PRKCB: variants seen among roughly 807,000 people sequenced by gnomAD.
PRKCB encodes protein kinase C beta type.
Under a neutral mutation model 81.5 loss-of-function variants are expected in PRKCB, and 13 were observed. The ratio of observed to expected loss-of-function variants is 0.16; its 90% CI spans 0.10 to 0.25. PRKCB has a LOEUF of 0.25. Ranked by LOEUF, PRKCB falls within the 10% of genes least tolerant of loss-of-function variation. The pLI, the probability that PRKCB is intolerant of heterozygous loss-of-function variation, is 1.00. For missense variants in PRKCB, 509 were observed against 875.7 expected (o/e 0.58, Z 5.29); for synonymous variants, 335 against 321.4 (o/e 1.04, Z -0.45).
At chr16:23,905,815 G>T (rs1963550838) in intron 2 of PRKCB, among the ~76,000 whole-genome samples, 1 of 152,082 alleles carries the variant, frequency 6.6e-6, no homozygotes, top group Non-Finnish European at 1.5e-5. Flanking sequence ...TCACATAAGT[G>T]GAAATATATT....
Position 24,189,241 on chromosome 16 carries a change from C to A in PRKCB, c.1723-1849C>A, listed in dbSNP as rs556035320. ...CTTCCTCTCTGGAGTCCTTACTGTT[C>A]CTCAACTTCTCTGAGTGTTCATTGC... On this transcript the variant is annotated intron_variant, in intron 15 of 16. Transcript: ENST00000643927. Among the ~76,000 whole-genome samples the A allele has an allele frequency of 9.8e-5, 15 of 152,322 alleles. No homozygotes were observed. The East Asian group carries it at 1.9e-3, about 20-fold the overall frequency.
At chr16:23,856,528 C>CTTT (rs11398957) in intron 2 of PRKCB, among the ~76,000 whole-genome samples, 31 of 145,256 alleles carry the variant, frequency 2.1e-4, no homozygotes, top group African/African-American at 7.4e-4. Context: ...TTTCACGAAA[C>CTTT]TTTTTTTTTT....
chr16:24,138,886 T>G (rs1234030915), intron 9 of PRKCB, among the ~76,000 whole-genome samples: 4 of 142,046 alleles, frequency 2.8e-5, no homozygotes, highest in Non-Finnish European at 6.0e-5. Context: ...ACAGTCTTGC[T>G]CTGTCTCCCA....
chr16:24,139,217 T>A (rs1966878627), intron 9 of PRKCB, among the ~76,000 whole-genome samples: 1 of 152,184 alleles, frequency 6.6e-6, no homozygotes, highest in South Asian at 2.1e-4. Context: ...TCCAAGTTCA[T>A]GAACATTTAT....
intron 7 of PRKCB, among the ~76,000 whole-genome samples, chr16:24,103,899 G>A (rs117187864): frequency 0.06 from 9,108 of 152,212 alleles, 448 homozygotes; most frequent in Admixed American, 0.14. Context: ...TCCGCCTTCC[G>A]GGTTCAAGCT....
In PRKCB at chr16:24,179,829, G is replaced by A. The variant is rs190631977; in HGVS notation, c.1395-961G>A. 7.2e-5 allele frequency among the ~76,000 whole-genome samples: 11 copies of A among 152,236 alleles called. No homozygotes were observed. The East Asian group carries it at 1.7e-3, about 24-fold the overall frequency. ...TAATAATCATGCTTACAGAGTAATT[G>A]TTATCTTTTTCCCAGCACTGAAATT... On this transcript the variant is annotated intron_variant, in intron 12 of 16. Coordinates refer to ENST00000643927, the MANE Select transcript of PRKCB (RefSeq NM_002738.7).
intron 2 of PRKCB, among the ~76,000 whole-genome samples, chr16:23,913,973 C>T (rs1202624004): frequency 6.6e-6 from 1 of 152,104 alleles, no homozygotes; most frequent in African/African-American, 2.4e-5. Flanking sequence ...TGGGAATGCT[C>T]CCCAGTATGT....
At position 24,180,837 on chromosome 16, in the gene PRKCB, A is replaced by C; in HGVS notation, c.1442A>C (p.Lys481Thr). Residue 481 changes from lysine (K) to threonine (T), a missense_variant, in exon 13 of 17, where the codon AAG (lysine) becomes ACG (threonine). Coordinates refer to ENST00000643927, the MANE Select transcript of PRKCB (RefSeq NM_002738.7). ...ATGCTCGATTCTGAGGGACACATCA[A>C]GATTGCCGATTTTGGCATGTGTAAG... ...NVMLDSEGHI[K>T]IADFGMCKEN... The C allele has an allele frequency of 6.2e-7, 1 of 1,614,250 alleles. No individual in the cohort carries two copies. The highest frequency in any genetic ancestry group is 8.5e-7 in the Non-Finnish European group (1 of 1,180,028).
rs116680069 is a variant in PRKCB at position 24,050,992 on chromosome 16, G to A, written c.529+15445G>A. Among the ~76,000 whole-genome samples, 1,247 of 152,134 alleles carry A rather than the reference G, an allele frequency of 8.2e-3. 21 individuals carry two copies. Among genetic ancestry groups the A allele is most frequent in the African/African-American group, 0.028 (1,169 of 41,470 alleles). ...AACCTGATGCATTTCATCTTGTAGGGTTTGGCCTTTTGCTCCACGGCCAGG... is the reference window on the plus strand; with the variant it reads ...AACCTGATGCATTTCATCTTGTAGGATTTGGCCTTTTGCTCCACGGCCAGG... On this transcript the variant is annotated intron_variant, in intron 5 of 16. Coordinates refer to ENST00000643927, the MANE Select transcript of PRKCB (RefSeq NM_002738.7).
At chr16:23,927,127 G>A (rs959549789) in intron 2 of PRKCB, among the ~76,000 whole-genome samples, 1 of 152,080 alleles carries the variant, frequency 6.6e-6, no homozygotes, top group Non-Finnish European at 1.5e-5. Flanking sequence ...GGCTGTAAGC[G>A]CATGGTGTGA....
At chr16:23,980,332 T>C (rs1427761734) in intron 2 of PRKCB, among the ~76,000 whole-genome samples, 2 of 152,250 alleles carry the variant, frequency 1.3e-5, no homozygotes, top group Non-Finnish European at 2.9e-5. Flanking sequence ...TAGAGTTTAA[T>C]GCGGATAAGT....
intron 12 of PRKCB, among the ~76,000 whole-genome samples, chr16:24,178,903 A>G (rs1967576277): frequency 6.6e-6 from 1 of 152,256 alleles, no homozygotes; most frequent in Non-Finnish European, 1.5e-5. Flanking sequence ...TATTGGTGAC[A>G]TAACTGAAAA....
chr16:24,143,541 G>A (rs898952244), intron 9 of PRKCB, among the ~76,000 whole-genome samples: 1 of 152,096 alleles, frequency 6.6e-6, no homozygotes, highest in African/African-American at 2.4e-5. Context: ...GATGGGAGAG[G>A]GAGCTAGGGA....
rs1203332324 is a variant in PRKCB at position 24,215,881 on chromosome 16, G to C, written c.*1065G>C. On this transcript the variant is annotated 3_prime_UTR_variant, in exon 17 of 17. Transcript: ENST00000643927. Reference sequence around the variant, plus strand: ...GACACCGTTTCTTGAAACAAAGATGGTTGTATTCCTCACTTTGATGTTGTT... The same window carrying C: ...GACACCGTTTCTTGAAACAAAGATGCTTGTATTCCTCACTTTGATGTTGTT... The C allele has an allele frequency of 1.0e-6, 1 of 984,904 alleles. No individual in the cohort carries two copies. The highest frequency in any genetic ancestry group is 1.2e-6 in the Non-Finnish European group (1 of 829,860). 61.0% of individuals were successfully genotyped at this position (984,904 alleles called of 1,614,324 possible).
At chr16:23,949,488 G>A (rs1008957883) in intron 2 of PRKCB, among the ~76,000 whole-genome samples, 1 of 152,112 alleles carries the variant, frequency 6.6e-6, no homozygotes, top group Admixed American at 6.5e-5. Context: ...ACTTTCCTGG[G>A]GGTCCAACTT....
intron 2 of PRKCB, among the ~76,000 whole-genome samples, chr16:23,908,387 T>G (rs1411141655): frequency 6.6e-6 from 1 of 152,102 alleles, no homozygotes; most frequent in Non-Finnish European, 1.5e-5. Flanking sequence ...GAACAGCTTT[T>G]GCAAGACACC....
At chr16:24,019,502 G>A (rs1396516480) in intron 3 of PRKCB, among the ~76,000 whole-genome samples, 3 of 152,058 alleles carry the variant, frequency 2.0e-5, no homozygotes, top group Admixed American at 1.3e-4. Flanking sequence ...AGTGGCTCAC[G>A]CCTGTAATCC....
intron 2 of PRKCB, among the ~76,000 whole-genome samples, chr16:23,874,267 T>C (rs1378018183): frequency 6.6e-6 from 1 of 152,250 alleles, no homozygotes. Flanking sequence ...AACTTCCACC[T>C]AGTCCGTGTG....
At chr16:24,185,939 C>A (rs1967697781) in intron 15 of PRKCB, among the ~76,000 whole-genome samples, 2 of 152,214 alleles carry the variant, frequency 1.3e-5, no homozygotes, top group Admixed American at 6.5e-5. Context: ...GCTATCTTGC[C>A]CTGCTCTGCT....
Sources: gnomAD v4.1 joint callset for allele counts (sites outside exome capture counted in the v4.1 genomes callset) on GRCh38, gnomAD v4.1.1 for gene constraint, MANE v1.5 for transcripts, NCBI Gene and HGNC (gene_info 2026-07-23, HGNC 2026-07-21) for gene names.